DLGAP1: variants seen among roughly 807,000 people sequenced by gnomAD.
The protein encoded by DLGAP1 is disks large-associated protein 1.
DLGAP1 carries 11 observed loss-of-function variants against 90.8 expected under a neutral mutation model. That is an observed-to-expected ratio of 0.12 (90% CI 0.08 to 0.20). The LOEUF (loss-of-function observed/expected upper bound fraction) is 0.20, where lower values mean the gene tolerates loss of function less well. Among genes scored for constraint, DLGAP1 ranks in the 10% least tolerant of loss-of-function variants. DLGAP1 has a pLI of 1.00. For missense variants in DLGAP1, 1,050 were observed against 1,333.8 expected (o/e 0.79, Z 3.31); for synonymous variants, 558 against 540.7 (o/e 1.03, Z -0.44).
At chr18:3,583,325 G>A (rs2055680391) in intron 7 of DLGAP1, among the ~76,000 whole-genome samples, 1 of 143,404 alleles carries the variant, frequency 7.0e-6, no homozygotes, top group Non-Finnish European at 1.5e-5. Context: ...TACCTGTCTT[G>A]TCATCCTTCC....
chr18:4,047,320 T>G (rs2075068806), intron 2 of DLGAP1, among the ~76,000 whole-genome samples: 1 of 152,254 alleles, frequency 6.6e-6, no homozygotes, highest in African/African-American at 2.4e-5. Flanking sequence ...GATTTGCTTA[T>G]TATGCAAAAC....
intron 3 of DLGAP1, among the ~76,000 whole-genome samples, chr18:3,951,368 T>C (rs2072981315): frequency 6.6e-6 from 1 of 152,254 alleles, no homozygotes; most frequent in Non-Finnish European, 1.5e-5. Context: ...TGTGTAATTA[T>C]AGTGTAAAGG....
intron 7 of DLGAP1, chr18:3,708,532 TG>T (rs1253654181): frequency 2.2e-6 from 1 of 456,574 alleles, no homozygotes; most frequent in Non-Finnish European, 4.4e-6. Flanking sequence ...GTCTCATTTC[TG>T]CTCCGTTTCC....
At chr18:3,818,297 A>G (rs998646586) in intron 4 of DLGAP1, among the ~76,000 whole-genome samples, 1 of 151,294 alleles carries the variant, frequency 6.6e-6, no homozygotes, top group African/African-American at 2.4e-5. Context: ...AGAAATGGCC[A>G]TAATCAAGTG....
intron 8 of DLGAP1, among the ~76,000 whole-genome samples, chr18:3,574,036 G>A (rs2145243108): frequency 6.6e-6 from 1 of 152,164 alleles, no homozygotes; most frequent in South Asian, 2.1e-4. Flanking sequence ...TCTTGCATCG[G>A]TATTAGTAAT....
At chr18:4,219,048 TTTTA>T (rs1436141204) in intron 1 of DLGAP1, among the ~76,000 whole-genome samples, 1 of 148,194 alleles carries the variant, frequency 6.7e-6, no homozygotes, top group Non-Finnish European at 1.5e-5. Flanking sequence ...TTTTTTTTTT[TTTTA>T]AGGAGTCTCC....
intron 1 of DLGAP1, among the ~76,000 whole-genome samples, chr18:4,412,758 A>G (rs1191195412): frequency 6.6e-6 from 1 of 152,230 alleles, no homozygotes; most frequent in Non-Finnish European, 1.5e-5. Flanking sequence ...AAAAAGAAAA[A>G]GAAAAACATA....
At chr18:3,973,975 A>G (rs1261747942) in intron 3 of DLGAP1, among the ~76,000 whole-genome samples, 1 of 152,244 alleles carries the variant, frequency 6.6e-6, no homozygotes, top group African/African-American at 2.4e-5. Flanking sequence ...AGATCTGCAC[A>G]GCACGTGACT....
At chr18:3,732,193 G>T (rs1016699343) in intron 6 of DLGAP1, among the ~76,000 whole-genome samples, 8 of 152,138 alleles carry the variant, frequency 5.3e-5, no homozygotes, top group African/African-American at 1.4e-4. Flanking sequence ...TCTGCATTTT[G>T]TATTGCCTGA....
chr18:4,285,434 G>C (rs1169918916), intron 1 of DLGAP1, among the ~76,000 whole-genome samples: 1 of 152,122 alleles, frequency 6.6e-6, no homozygotes, highest in South Asian at 2.1e-4. Context: ...GCAAGGAAAA[G>C]AAAATTTACC....
chr18:4,365,847 A>G (rs1239438226), intron 1 of DLGAP1, among the ~76,000 whole-genome samples: 1 of 152,176 alleles, frequency 6.6e-6, no homozygotes, highest in African/African-American at 2.4e-5. Context: ...GTTCTATTTA[A>G]TAACTAAATG....
chr18:4,221,145 T>C (rs1218218481), intron 1 of DLGAP1, among the ~76,000 whole-genome samples: 1 of 152,162 alleles, frequency 6.6e-6, no homozygotes, highest in Non-Finnish European at 1.5e-5. Context: ...TTCTGGTTAC[T>C]GTGCAATGCA....
intron 2 of DLGAP1, among the ~76,000 whole-genome samples, chr18:4,141,567 C>T (rs1309182086): frequency 2.0e-5 from 3 of 151,948 alleles, no homozygotes; most frequent in Non-Finnish European, 4.4e-5. Context: ...ACCTTCTGGA[C>T]TCCCTGAAAA....
chr18:3,564,794 G>GT (rs2054337639), intron 9 of DLGAP1, among the ~76,000 whole-genome samples: 1 of 152,196 alleles, frequency 6.6e-6, no homozygotes, highest in African/African-American at 2.4e-5. Context: ...CCAGTAAGTT[G>GT]TAAGTCTCTG....
intron 1 of DLGAP1, among the ~76,000 whole-genome samples, chr18:4,424,691 G>T (rs1384435973): frequency 6.6e-6 from 1 of 152,080 alleles, no homozygotes; most frequent in Non-Finnish European, 1.5e-5. Context: ...AAAGAGAAAA[G>T]TTATTAATCA....
At chr18:4,382,487 CTTT>C (rs3044414) in intron 1 of DLGAP1, among the ~76,000 whole-genome samples, 4,279 of 140,714 alleles carry the variant, frequency 0.03, 161 homozygotes, top group African/African-American at 0.098. Context: ...CAGCATTATG[CTTT>C]TTTTTTTTTT....
At position 3,714,639 on chromosome 18, in the gene DLGAP1, G is replaced by T. The variant is rs371547362; in HGVS notation, c.1591+14496C>A. Among the ~76,000 whole-genome samples, 151 of 93,052 alleles carry T rather than the reference G, an allele frequency of 1.6e-3. 2 individuals are homozygous for T. Among genetic ancestry groups the T allele is most frequent in the African/African-American group, 5.9e-3 (145 of 24,526 alleles). 61.0% of individuals were successfully genotyped at this position (93,052 alleles called of 152,430 possible). ...TTTAAAAGAATTAGCTGATTACGTG[G>T]TTTTTTTTTTTTTTTTTTTTTTTTT... is the stretch of plus-strand genomic sequence containing the variant. On this transcript the variant is annotated intron_variant, in intron 7 of 12. Transcript: ENST00000315677.
chr18:3,550,971 A>G (rs1414899118), intron 9 of DLGAP1, among the ~76,000 whole-genome samples: 1 of 151,408 alleles, frequency 6.6e-6, no homozygotes, highest in Non-Finnish European at 1.5e-5. Context: ...CAAACTCCTG[A>G]CCTCAGGTGA....
chr18:3,754,723 C>CAAAAATAA (rs2063645122), intron 5 of DLGAP1, among the ~76,000 whole-genome samples: 1 of 58,766 alleles, frequency 1.7e-5, no homozygotes, highest in Non-Finnish European at 3.7e-5. Flanking sequence ...TACTAAAATA[C>CAAAAATAA]AAAAAAAAAA....
Sources: allele counts gnomAD v4.1 joint callset (sites outside exome capture counted in the v4.1 genomes callset), GRCh38; gene constraint gnomAD v4.1.1; transcripts MANE v1.5; gene names NCBI Gene and HGNC (gene_info 2026-07-23, HGNC 2026-07-21).